DNAH5: variants seen among roughly 807,000 people sequenced by gnomAD.
DNAH5 encodes axonemal beta dynein heavy chain 5.
A neutral mutation model predicts 518.2 loss-of-function variants in DNAH5; 372 were observed. The ratio of observed to expected loss-of-function variants is 0.72; its 90% CI spans 0.66 to 0.78. The LOEUF (loss-of-function observed/expected upper bound fraction) is 0.78, where lower values mean the gene tolerates loss of function less well. Among genes scored for constraint, DNAH5 ranks in the 30% least tolerant of loss-of-function variants. The pLI, the probability that DNAH5 is intolerant of heterozygous loss-of-function variation, is 0.00. For missense variants in DNAH5, 5,523 were observed against 5,687.0 expected (o/e 0.97, Z 0.93); for synonymous variants, 2,039 against 2,025.9 (o/e 1.01, Z -0.17).
At chr5:13,714,272 A>C (rs927802579) in intron 75 of DNAH5, 133 bp downstream of exon 75, 20 of 948,182 alleles carry the variant, frequency 2.1e-5, no homozygotes, top group Non-Finnish European at 3.2e-5. Flanking sequence ...CTGGTTCTTT[A>C]AGAAGCTGGT....
At chr5:13,747,430 T>C (rs1416540074) in intron 65 of DNAH5, among the ~76,000 whole-genome samples, 7 of 152,212 alleles carry the variant, frequency 4.6e-5, no homozygotes, top group African/African-American at 7.2e-5. Context: ...GGTCAAATGG[T>C]ATTTCTAGTT....
At chr5:13,834,415 C>A (rs994977501) in intron 35 of DNAH5, among the ~76,000 whole-genome samples, 15 of 152,218 alleles carry the variant, frequency 9.9e-5, no homozygotes, top group African/African-American at 3.6e-4. Context: ...TTCCCTCCCA[C>A]ACATGCTACT....
rs1561408187 is a variant in DNAH5, at chr5:13,842,492, A to AGAAAGAAC, written c.5272-589_5272-588insGTTCTTTC. 2.1e-4 allele frequency among the ~76,000 whole-genome samples: 19 copies of AGAAAGAAC among 90,274 alleles called. 3 individuals carry two copies. The highest frequency in any genetic ancestry group is 6.2e-4 in the African/African-American group (15 of 24,148). The allele number at this position is 90,274 out of a possible 152,430, so 59.2% of individuals were successfully genotyped here. On this transcript the variant is annotated intron_variant, in intron 32 of 78. Coordinates refer to ENST00000265104, the MANE Select transcript of DNAH5 (RefSeq NM_001369.3). ...GAAAGAAAGAAAGAAAGAGAAAGAA[A>AGAAAGAAC]AGAAAGAAAGAAAGAAAAAGAAAGA...
chr5:13,906,998 AAAG>A (rs1422864180), intron 12 of DNAH5, among the ~76,000 whole-genome samples: 4 of 151,690 alleles, frequency 2.6e-5, no homozygotes, highest in African/African-American at 7.3e-5. Context: ...AATTAAAAAC[AAAG>A]AAGTAAGAGA....
intron 52 of DNAH5, among the ~76,000 whole-genome samples, chr5:13,781,329 A>C (rs1755102144): frequency 6.6e-6 from 1 of 152,146 alleles, no homozygotes; most frequent in Non-Finnish European, 1.5e-5. Context: ...GGAGAACAGA[A>C]ATGTCAGAAC....
intron 31 of DNAH5, among the ~76,000 whole-genome samples, chr5:13,846,146 T>C (rs550319404): frequency 3.2e-4 from 48 of 151,970 alleles, no homozygotes; most frequent in Admixed American, 1.5e-3. Flanking sequence ...GCCCCAACTT[T>C]TTATTTTAGG....
chr5:13,881,684 T>C (rs944979822), intron 21 of DNAH5, among the ~76,000 whole-genome samples: 1 of 151,854 alleles, frequency 6.6e-6, no homozygotes, highest in African/African-American at 2.4e-5. Flanking sequence ...GCAAAAGCAG[T>C]TCTAAGAGGA....
intron 66 of DNAH5, among the ~76,000 whole-genome samples, chr5:13,736,387 C>T (rs1747427638): frequency 6.6e-6 from 1 of 151,666 alleles, no homozygotes; most frequent in Non-Finnish European, 1.5e-5. Flanking sequence ...ATAAACGACA[C>T]TTTAATTATT....
intron 1 of DNAH5, among the ~76,000 whole-genome samples, chr5:14,008,941 C>T (rs560460434): frequency 2.0e-5 from 3 of 152,340 alleles, no homozygotes; most frequent in East Asian, 1.9e-4. Context: ...GGCCATGGGC[C>T]GGGCCTGCCC....
intron 21 of DNAH5, among the ~76,000 whole-genome samples, chr5:13,877,414 T>C (rs1042957480): frequency 6.6e-6 from 1 of 152,182 alleles, no homozygotes; most frequent in African/African-American, 2.4e-5. Context: ...TGATATTAGT[T>C]GGGGGCAAAT....
chr5:13,701,851 G>T (rs1742162564), intron 76 of DNAH5, among the ~76,000 whole-genome samples: 1 of 152,080 alleles, frequency 6.6e-6, no homozygotes, highest in African/African-American at 2.4e-5. Context: ...CATAAAAAAG[G>T]ATTTTTATTC....
At chr5:13,840,855 T>C in intron 34 of DNAH5, 51 bp downstream of exon 34, 4 of 1,410,150 alleles carry the variant, frequency 2.8e-6, no homozygotes, top group Non-Finnish European at 3.0e-6. Context: ...ATGCAGATAG[T>C]GTCTAGAATT....
At chr5:13,726,868 T>C (rs1399189428) in intron 70 of DNAH5, among the ~76,000 whole-genome samples, 1 of 152,194 alleles carries the variant, frequency 6.6e-6, no homozygotes, top group African/African-American at 2.4e-5. Flanking sequence ...GGGCTGAATA[T>C]CAGCGTTAAA....
chr5:13,902,127 C>T lies in DNAH5; in HGVS notation c.1656G>A (p.Arg552=). 1 of 1,606,566 alleles carries T rather than the reference C, an allele frequency of 6.2e-7. No homozygotes were observed. Among genetic ancestry groups the T allele is most frequent in the Non-Finnish European group, 8.5e-7 (1 of 1,174,830 alleles). The part of the protein sequence containing the change: ...KQTNDLHNEL[R]KFMDVTFAKI... The stretch of plus-strand genomic sequence containing the variant: ...TTGCAAATGTAACATCCATGAACTT[C>T]CGCAACTCGTTCTAAAACAGAATAA... Residue 552 remains arginine, a synonymous_variant, in exon 13 of 79, where the codon CGG becomes CGA. Transcript: ENST00000265104.
In DNAH5 at chr5:13,931,184, A is replaced by G. The variant is rs764103023; in HGVS notation, c.118T>C (p.Leu40=). The G allele has an allele frequency of 6.2e-7, 1 of 1,614,154 alleles. No homozygotes were observed. The highest frequency in any genetic ancestry group is 2.2e-5 in the East Asian group (1 of 44,876). The change falls in exon 2 of 79, where the codon TTA becomes CTA. Residue 40 remains leucine (L), a synonymous_variant. Transcript: ENST00000265104. ...RALLDARHNY[L]FAIVASCLDL... ...AAACAGGAAGCCACAATTGCAAATA[A>G]GTAGTTATGCCTCGCATCCAAAAGA...
At chr5:13,930,809 C>A (rs1054235164) in intron 2 of DNAH5, among the ~76,000 whole-genome samples, 1 of 152,182 alleles carries the variant, frequency 6.6e-6, no homozygotes, top group African/African-American at 2.4e-5. Flanking sequence ...AGATTCTGTT[C>A]CCCGGCTTTA....
intron 24 of DNAH5, among the ~76,000 whole-genome samples, chr5:13,869,651 T>C (rs1292092309): frequency 6.6e-6 from 1 of 152,172 alleles, no homozygotes; most frequent in East Asian, 1.9e-4. Flanking sequence ...TACACACACA[T>C]ACACAGACAT....
intron 22 of DNAH5, among the ~76,000 whole-genome samples, chr5:13,874,763 C>T (rs1436056289): frequency 1.3e-5 from 2 of 152,306 alleles, no homozygotes; most frequent in African/African-American, 2.4e-5. Flanking sequence ...AGTGATCCCC[C>T]ACCTTGGCCT....
At chr5:13,873,716 G>A (rs980806964) in intron 22 of DNAH5, among the ~76,000 whole-genome samples, 1 of 151,828 alleles carries the variant, frequency 6.6e-6, no homozygotes, top group African/African-American at 2.4e-5. Flanking sequence ...ACCCAAGCTG[G>A]TCTCAAACTC....
Sources: allele counts gnomAD v4.1 joint callset (sites outside exome capture counted in the v4.1 genomes callset), GRCh38; gene constraint gnomAD v4.1.1; transcripts MANE v1.5; gene names NCBI Gene and HGNC (gene_info 2026-07-23, HGNC 2026-07-21).